Variants in USP34 observed in about 807,000 individuals in gnomAD.
The protein encoded by USP34 is ubiquitin carboxyl-terminal hydrolase 34.
USP34 carries 70 observed loss-of-function variants against 460.3 expected under a neutral mutation model. The ratio of observed to expected loss-of-function variants is 0.15; its 90% CI spans 0.13 to 0.19. The LOEUF (loss-of-function observed/expected upper bound fraction) is 0.19, where lower values mean the gene tolerates loss of function less well. Among genes scored for constraint, USP34 ranks in the 10% least tolerant of loss-of-function variants. The probability of loss-of-function intolerance (pLI) is 1.00; values close to 1 mark genes in which losing one functional copy is unlikely to be tolerated. For missense variants in USP34, 3,985 were observed against 4,236.2 expected (o/e 0.94, Z 1.65); for synonymous variants, 1,647 against 1,405.3 (o/e 1.17, Z -3.85).
At chr2:61,392,192 C>A (rs372598652) in intron 5 of USP34, among the ~76,000 whole-genome samples, 1 of 152,116 alleles carries the variant, frequency 6.6e-6, no homozygotes, top group Non-Finnish European at 1.5e-5. Flanking sequence ...TTTAGCCAGG[C>A]GTGGTGACAT....
chr2:61,211,370 C>G (rs1687268595), intron 69 of USP34, among the ~76,000 whole-genome samples: 1 of 152,104 alleles, frequency 6.6e-6, no homozygotes, highest in African/African-American at 2.4e-5. Context: ...ATAATTTTGG[C>G]CAAGTCATAT....
Position 61,187,747 on chromosome 2 carries a change from C to A in USP34, c.*355G>T. 2.0e-6 allele frequency: 1 copy of A among 498,976 alleles called. No individual in the cohort carries two copies. The highest frequency in any genetic ancestry group is 2.1e-5 in the African/African-American group (1 of 47,602). 30.9% of individuals were successfully genotyped at this position (498,976 alleles called of 1,614,324 possible). A position where few individuals can be genotyped will look rare whatever the true frequency, so the allele number is the denominator to read the frequency against. On this transcript the variant is annotated 3_prime_UTR_variant, in exon 80 of 80. Transcript: ENST00000398571. ...CTGCCTCTATAAGGTACAAAACTGG[C>A]ACAGAGGACACCATATCATACACAG...
At chr2:61,252,057 G>C (rs776605415) in intron 48 of USP34, among the ~76,000 whole-genome samples, 5 of 151,840 alleles carry the variant, frequency 3.3e-5, no homozygotes, top group African/African-American at 4.8e-5. Context: ...TGTTATGGTA[G>C]ACTACGGTAA....
chr2:61,197,110 A>T (rs1310199546), intron 75 of USP34, among the ~76,000 whole-genome samples: 1 of 152,112 alleles, frequency 6.6e-6, no homozygotes. Flanking sequence ...CCCCCACTCT[A>T]TTTAAAAAAA....
intron 1 of USP34, among the ~76,000 whole-genome samples, chr2:61,430,443 G>A (rs1159275323): frequency 6.6e-6 from 1 of 152,046 alleles, no homozygotes; most frequent in Non-Finnish European, 1.5e-5. Flanking sequence ...ATAAAGCTTA[G>A]GTGACAAAGC....
chr2:61,206,178 A>C (rs1218314255), intron 71 of USP34, 54 bp from the exon 72 acceptor site: 2 of 1,452,900 alleles, frequency 1.4e-6, no homozygotes, highest in African/African-American at 1.4e-5. Flanking sequence ...ACTTCCTCAC[A>C]AATGTTTTCT....
chr2:61,268,180 G>T (rs986008738), intron 41 of USP34, among the ~76,000 whole-genome samples: 2 of 152,060 alleles, frequency 1.3e-5, no homozygotes, highest in Non-Finnish European at 2.9e-5. Context: ...TATGGTTTGG[G>T]TATTTGTCCA....
chr2:61,326,302 G>C (rs1225466816), intron 20 of USP34, among the ~76,000 whole-genome samples: 4 of 152,176 alleles, frequency 2.6e-5, no homozygotes, highest in Non-Finnish European at 5.9e-5. Flanking sequence ...CTGCCTTCCA[G>C]GTTCAAGTGA....
chr2:61,451,253 A>G (rs914742488), intron 1 of USP34, among the ~76,000 whole-genome samples: 12 of 150,994 alleles, frequency 7.9e-5, no homozygotes, highest in African/African-American at 2.4e-4. Flanking sequence ...AAAGAAATGA[A>G]TAACTTTTCA....
chr2:61,345,824 A>G (rs1691750471), intron 15 of USP34, among the ~76,000 whole-genome samples: 1 of 152,144 alleles, frequency 6.6e-6, no homozygotes, highest in African/African-American at 2.4e-5. Flanking sequence ...TTTTGTAGAG[A>G]CAGGGCCCCA....
intron 48 of USP34, among the ~76,000 whole-genome samples, chr2:61,254,458 C>T (rs1310625833): frequency 6.6e-6 from 1 of 152,206 alleles, no homozygotes; most frequent in Non-Finnish European, 1.5e-5. Flanking sequence ...ACTACTGTTC[C>T]ATGTGAATAC....
At chr2:61,461,416 A>G (rs1695597346) in intron 1 of USP34, among the ~76,000 whole-genome samples, 1 of 152,046 alleles carries the variant, frequency 6.6e-6, no homozygotes, top group Non-Finnish European at 1.5e-5. Context: ...AAAAAAACCC[A>G]AAACACTGAA....
chr2:61,433,740 A>G (rs989013137), intron 1 of USP34, among the ~76,000 whole-genome samples: 3 of 152,162 alleles, frequency 2.0e-5, no homozygotes, highest in African/African-American at 7.2e-5. Context: ...CCAAATTAGG[A>G]GCACAAGGAA....
At chr2:61,305,068 G>T (rs1216677403) in intron 27 of USP34, among the ~76,000 whole-genome samples, 1 of 152,172 alleles carries the variant, frequency 6.6e-6, no homozygotes, top group Non-Finnish European at 1.5e-5. Flanking sequence ...GCTCACGCCT[G>T]TAATCCCAGC....
At position 61,395,270 on chromosome 2, in the gene USP34, C is replaced by A. The variant is rs555254623; in HGVS notation, c.553-37G>T. 1.0e-5 allele frequency: 12 copies of A among 1,167,282 alleles called. No individual in the cohort carries two copies. In the African/African-American group the frequency reaches 1.4e-4, roughly 14 times the overall value. The allele number at this position is 1,167,282 out of a possible 1,614,324, so 72.3% of individuals were successfully genotyped here. On this transcript the variant is annotated intron_variant, in intron 3 of 79. Coordinates refer to ENST00000398571, the MANE Select transcript of USP34 (RefSeq NM_014709.4). Reference sequence around the variant, plus strand: ...AAAAAAAGCAAGTAAAATTAGGTTACAACTACTAACCTTTAAAAAATACAA... The same window carrying A: ...AAAAAAAGCAAGTAAAATTAGGTTAAAACTACTAACCTTTAAAAAATACAA...
rs569915670 is a variant in USP34, at chr2:61,294,794, C to T, written c.4461+155G>A. Among the ~76,000 whole-genome samples, 5 of 152,214 alleles carry T rather than the reference C, an allele frequency of 3.3e-5. No homozygotes were observed. The South Asian group carries it at 8.3e-4, about 25-fold the overall frequency. On this transcript the variant is annotated intron_variant, in intron 32 of 79. Coordinates refer to ENST00000398571, the MANE Select transcript of USP34 (RefSeq NM_014709.4). Reference sequence around the variant, plus strand: ...CAAGGCATTAAATAATCTCAGTTTACGTTATTGCAACTTAAAGTAATACAT... The same window carrying T: ...CAAGGCATTAAATAATCTCAGTTTATGTTATTGCAACTTAAAGTAATACAT...
At chr2:61,304,306 A>G (rs1690334261) in intron 27 of USP34, among the ~76,000 whole-genome samples, 1 of 152,236 alleles carries the variant, frequency 6.6e-6, no homozygotes. Flanking sequence ...CTACTCTAAT[A>G]AAGCATGCAT....
rs1044491199 is a variant in USP34, at chr2:61,188,469, T to G, written c.10274A>C (p.Glu3425Ala). 2 of 1,614,250 alleles carry G rather than the reference T, an allele frequency of 1.2e-6. No homozygotes were observed. The highest frequency in any genetic ancestry group is 2.2e-5 in the South Asian group (2 of 91,086). Residue 3425 changes from glutamate to alanine, a missense_variant, in exon 80 of 80, where the codon GAA (glutamate) becomes GCA (alanine). Glu to Ala is a moderately radical substitution (Grantham distance 107). This residue lies in a region of USP34 where 506 missense variants were observed against 439.0 expected (regional missense o/e 1.15). Transcript: ENST00000398571. ...CTGTGACCTGATATTTGACATGTCT[T>G]CTGAAAACGAAGATGGAACTTCCAT... is the stretch of plus-strand genomic sequence containing the variant. ...YRMEVPSSFS[E>A]DMSNIRSQHA...
At chr2:61,244,639 C>A (rs1301855123) in intron 51 of USP34, among the ~76,000 whole-genome samples, 1 of 146,558 alleles carries the variant, frequency 6.8e-6, no homozygotes, top group African/African-American at 2.5e-5. Context: ...AAAAAAAAGT[C>A]TTTTCTCAAT....
Sources: gnomAD v4.1 joint callset for allele counts (sites outside exome capture counted in the v4.1 genomes callset) on GRCh38, gnomAD v4.1.1 for gene constraint, gnomAD v4.1.1 regional missense constraint, MANE v1.5 for transcripts, NCBI Gene and HGNC (gene_info 2026-07-23, HGNC 2026-07-21) for gene names.